NRCAM: variants seen among roughly 807,000 people sequenced by gnomAD.
NRCAM encodes the protein neuronal cell adhesion molecule.
NRCAM carries 83 observed loss-of-function variants against 156.5 expected under a neutral mutation model. The observed-to-expected ratio is 0.53, with a 90% CI of 0.44 to 0.64. The LOEUF is 0.64. Ranked by LOEUF, NRCAM falls within the 30% of genes least tolerant of loss-of-function variation. The probability of loss-of-function intolerance (pLI) is 0.00; values close to 1 mark genes in which losing one functional copy is unlikely to be tolerated. For missense variants in NRCAM, 1,417 were observed against 1,597.3 expected (o/e 0.89, Z 1.92); for synonymous variants, 538 against 563.9 (o/e 0.95, Z 0.65).
intron 30 of NRCAM, among the ~76,000 whole-genome samples, chr7:108,164,494 T>A (rs1204504733): frequency 1.3e-5 from 2 of 149,734 alleles, no homozygotes; most frequent in East Asian, 3.9e-4. Flanking sequence ...AGTTTAAAAA[T>A]TAGCCAATGA....
At chr7:108,170,043 T>A (rs1042468730) in intron 28 of NRCAM, among the ~76,000 whole-genome samples, 1 of 152,170 alleles carries the variant, frequency 6.6e-6, no homozygotes, top group Non-Finnish European at 1.5e-5. Context: ...TTGTTTCTAG[T>A]TTTATTGAAA....
chr7:108,286,453 AAGTAAG>A (rs1436153080), intron 3 of NRCAM, among the ~76,000 whole-genome samples: 1 of 152,194 alleles, frequency 6.6e-6, no homozygotes, highest in Non-Finnish European at 1.5e-5. Flanking sequence ...AAAGGCGAAC[AAGTAAG>A]AGTAGGGGAA....
intron 12 of NRCAM, among the ~76,000 whole-genome samples, chr7:108,209,078 CA>C (rs886210841): frequency 4.6e-5 from 7 of 152,286 alleles, no homozygotes; most frequent in African/African-American, 1.7e-4. Context: ...TGAAGCTATG[CA>C]AATATCCTGT....
chr7:108,380,354 T>C (rs1166103532), intron 2 of NRCAM, among the ~76,000 whole-genome samples: 2 of 152,192 alleles, frequency 1.3e-5, no homozygotes, highest in African/African-American at 2.4e-5. Flanking sequence ...ATAATTTATT[T>C]TGACCTAATT....
intron 3 of NRCAM, among the ~76,000 whole-genome samples, chr7:108,288,640 T>C (rs2098184797): frequency 6.6e-6 from 1 of 152,146 alleles, no homozygotes; most frequent in Non-Finnish European, 1.5e-5. Flanking sequence ...CTCAGGTTGG[T>C]AGACAGTTTA....
chr7:108,410,358 G>A (rs528873309), intron 1 of NRCAM, among the ~76,000 whole-genome samples: 87 of 152,138 alleles, frequency 5.7e-4, no homozygotes, highest in Admixed American at 9.8e-4. Flanking sequence ...AACATTACAA[G>A]CCATTTCATA....
intron 13 of NRCAM, among the ~76,000 whole-genome samples, chr7:108,202,139 G>A (rs1318642513): frequency 6.6e-6 from 1 of 152,178 alleles, no homozygotes; most frequent in South Asian, 2.1e-4. Context: ...ATAAACACTG[G>A]AGAAAGAAAT....
chr7:108,348,590 G>C (rs2099387049), intron 2 of NRCAM, among the ~76,000 whole-genome samples: 3 of 152,196 alleles, frequency 2.0e-5, no homozygotes, highest in African/African-American at 7.2e-5. Flanking sequence ...AGGCTCCCTG[G>C]GCTTGATTTT....
chr7:108,364,516 G>A (rs1371186118), intron 2 of NRCAM, among the ~76,000 whole-genome samples: 1 of 151,990 alleles, frequency 6.6e-6, no homozygotes, highest in Non-Finnish European at 1.5e-5. Context: ...ATAGACCCGG[G>A]AGAACTGAAA....
intron 3 of NRCAM, among the ~76,000 whole-genome samples, chr7:108,247,775 A>G (rs1222528931): frequency 1.3e-5 from 2 of 152,166 alleles, no homozygotes; most frequent in Non-Finnish European, 1.5e-5. Context: ...ATCATACTAG[A>G]ACTCTGGCTG....
chr7:108,345,361 G>A (rs2154279468), intron 2 of NRCAM, among the ~76,000 whole-genome samples: 1 of 152,248 alleles, frequency 6.6e-6, no homozygotes, highest in African/African-American at 2.4e-5. Context: ...GTTTTGTCTA[G>A]AAATAAGGAA....
At chr7:108,299,122 G>GAAAC (rs1196699344) in intron 3 of NRCAM, among the ~76,000 whole-genome samples, 1 of 35,430 alleles carries the variant, frequency 2.8e-5, no homozygotes, top group Non-Finnish European at 6.2e-5. Flanking sequence ...AAAAAAGAAA[G>GAAAC]AAAGAAAGAA....
At chr7:108,245,019 T>C (rs1181325287) in intron 3 of NRCAM, among the ~76,000 whole-genome samples, 1 of 152,214 alleles carries the variant, frequency 6.6e-6, no homozygotes, top group Non-Finnish European at 1.5e-5. Flanking sequence ...GCCTTTTCTA[T>C]GTGCCAGGCA....
intron 1 of NRCAM, among the ~76,000 whole-genome samples, chr7:108,416,543 T>C (rs1033036362): frequency 6.6e-6 from 1 of 151,890 alleles, no homozygotes; most frequent in Non-Finnish European, 1.5e-5. Context: ...TTAATTTCAT[T>C]TGATGTCTAA....
intron 30 of NRCAM, among the ~76,000 whole-genome samples, chr7:108,163,648 T>A (rs2050887348): frequency 6.6e-6 from 1 of 151,472 alleles, no homozygotes; most frequent in Admixed American, 6.6e-5. Flanking sequence ...GGGACAGAGG[T>A]AAAAGAGGAA....
intron 2 of NRCAM, among the ~76,000 whole-genome samples, chr7:108,375,386 CA>C (rs2099670797): frequency 6.6e-6 from 1 of 152,106 alleles, no homozygotes; most frequent in Non-Finnish European, 1.5e-5. Context: ...GGATCTGTCA[CA>C]ACTTCTAGGA....
rs142755532 is a variant in NRCAM, at chr7:108,301,485, G to T, written c.-107+11180C>A. On this transcript the variant is annotated intron_variant, in intron 3 of 32. Transcript: ENST00000379028. ...CATTAGCACCAACAAGGCGTGACCG[G>T]TATGAGCTACAGAAGAAAACAGGCA... 2.6e-5 allele frequency among the ~76,000 whole-genome samples: 4 copies of T among 152,322 alleles called. 1 individual carries two copies. The highest frequency in any genetic ancestry group is 4.1e-4 in the South Asian group (2 of 4,830).
In NRCAM at chr7:108,382,342, TC is replaced by T. The variant is rs547679809; in HGVS notation, c.-174+17093del. On this transcript the variant is annotated intron_variant, in intron 2 of 32. Coordinates refer to ENST00000379028, the MANE Select transcript of NRCAM (RefSeq NM_001037132.4). ...TGGGCGCGGTGGTTCATGCCTCTAATCCCAGCACTTTGGGAGGCTGACGCAG... is the reference window on the plus strand; with the variant it reads ...TGGGCGCGGTGGTTCATGCCTCTAATCCAGCACTTTGGGAGGCTGACGCAG... Among the ~76,000 whole-genome samples the T allele has an allele frequency of 5.6e-4, 85 of 152,130 alleles. 2 individuals are homozygous for T. In the South Asian group the frequency reaches 0.016, roughly 29 times the overall value.
chr7:108,374,442 G>A (rs529613519), intron 2 of NRCAM, among the ~76,000 whole-genome samples: 1 of 152,192 alleles, frequency 6.6e-6, no homozygotes, highest in South Asian at 2.1e-4. Flanking sequence ...GTAATACCTG[G>A]AGCAAGAGGA....
Sources: gnomAD v4.1 joint callset for allele counts (sites outside exome capture counted in the v4.1 genomes callset) on GRCh38, gnomAD v4.1.1 for gene constraint, MANE v1.5 for transcripts, NCBI Gene and HGNC (gene_info 2026-07-23, HGNC 2026-07-21) for gene names.